Variants in DNASE1L1 observed in about 807,000 individuals in gnomAD.
DNASE1L1 encodes deoxyribonuclease 1 like 1.
Under a neutral mutation model 18.6 loss-of-function variants are expected in DNASE1L1, and 8 were observed. The ratio of observed to expected loss-of-function variants is 0.43; its 90% CI spans 0.25 to 0.78. The LOEUF (loss-of-function observed/expected upper bound fraction) is 0.78, where lower values mean the gene tolerates loss of function less well. DNASE1L1 is among the 30% of genes least tolerant of loss of function. The probability of loss-of-function intolerance (pLI) is 0.23; values close to 1 mark genes in which losing one functional copy is unlikely to be tolerated. For missense variants in DNASE1L1, 214 were observed against 258.2 expected (o/e 0.83, Z 1.17); for synonymous variants, 114 against 114.2 (o/e 1.00, Z 0.01).
rs1557187666 is a variant in DNASE1L1 at position 154,403,616 on chromosome X, G to A, written c.318C>T (p.His106=). 4 of 1,208,914 alleles carry A rather than the reference G, an allele frequency of 3.3e-6. No individual in the cohort carries two copies. Among genetic ancestry groups the A allele is most frequent in the Non-Finnish European group, 1.1e-6 (1 of 893,675 alleles). The change falls in exon 5 of 8, where the codon CAC becomes CAT. Residue 106 remains histidine (H), a synonymous_variant. Coordinates refer to ENST00000369807, the MANE Select transcript of DNASE1L1 (RefSeq NM_001303620.2). The part of the protein sequence containing the change: ...METYVYFYRS[H]KTQVLSSYVY... ...CGTAGGAACTCAGGACCTGTGTTTT[G>A]TGTGACCTGGGAGGACAAAGGGATG...
At chrX:154,410,090 T>C (rs1386817735), upstream of DNASE1L1, 2 of 110,474 alleles carry the variant, frequency 1.8e-5, no homozygotes. Context: ...ATACAAAAAA[T>C]TAGCCCGGCG....
chrX:154,402,885 G>A, intron 7 of DNASE1L1, 44 bp from the exon 8 acceptor site: 2 of 1,205,011 alleles, frequency 1.7e-6, no homozygotes, highest in Non-Finnish European at 2.2e-6. Flanking sequence ...GGGGCCGAGG[G>A]GCTTCCCTGT....
At chrX:154,411,856 G>T (rs397515737), upstream of DNASE1L1, 19 of 1,197,370 alleles carry the variant, frequency 1.6e-5, no homozygotes, top group Non-Finnish European at 1.1e-6. Flanking sequence ...GCCTCTGCAC[G>T]TGAAGTGGCC....
chrX:154,406,840 C>T lies in DNASE1L1; in HGVS notation c.-87-1185G>A, dbSNP rs915300902. Among the ~76,000 whole-genome samples, 10 of 109,866 alleles carry T rather than the reference C, an allele frequency of 9.1e-5. 1 individual carries two copies. Among genetic ancestry groups the T allele is most frequent in the African/African-American group, 2.7e-4 (8 of 30,187 alleles). ...GCATCTCTTGACCTCGTGATCTGCC[C>T]GCCTCGGCCTCTCAAAGTGCTGGGA... On this transcript the variant is annotated intron_variant, in intron 1 of 7. Transcript: ENST00000369807.
intron 7 of DNASE1L1, 25 bp downstream of exon 7, chrX:154,402,917 C>A (rs1173153975): frequency 6.6e-6 from 8 of 1,205,223 alleles, no homozygotes; most frequent in Non-Finnish European, 9.0e-6. Flanking sequence ...TGCCCTCCCT[C>A]CTCATGCCAG....
chrX:154,410,149 G>A (rs2068238900), upstream of DNASE1L1: 1 of 110,892 alleles, frequency 9.0e-6, no homozygotes. Context: ...TGAGGCAGGA[G>A]AATTGCTTGA....
At chrX:154,403,935 C>T (rs2068097645) in intron 4 of DNASE1L1, among the ~76,000 whole-genome samples, 2 of 110,426 alleles carry the variant, frequency 1.8e-5, no homozygotes, top group Admixed American at 9.7e-5. Flanking sequence ...CTCCATTCTC[C>T]CCTCCCCCCA....
In DNASE1L1 at chrX:154,401,487, A is replaced by G. The variant is rs2068033121; in HGVS notation, c.*1220T>C. On this transcript the variant is annotated 3_prime_UTR_variant, in exon 8 of 8. Coordinates refer to ENST00000369807, the MANE Select transcript of DNASE1L1 (RefSeq NM_001303620.2). ...CAAAGGTCTAGGCTAACCTTTGGTC[A>G]TTTGTAACAAGACCTCGGAACAGAC... 8.1e-6 allele frequency: 1 copy of G among 123,793 alleles called. No individual in the cohort carries two copies. The highest frequency in any genetic ancestry group is 1.7e-5 in the Non-Finnish European group (1 of 59,721). 10.2% of individuals were successfully genotyped at this position (123,793 alleles called of 1,213,427 possible).
chrX:154,403,655 C>T (rs1557187680), intron 4 of DNASE1L1, 33 bp from the exon 5 acceptor site: 3 of 1,171,572 alleles, frequency 2.6e-6, no homozygotes, highest in Non-Finnish European at 3.5e-6. Context: ...AGCAGTGGCC[C>T]CACGTCTTTG....
chrX:154,404,147 CTTTT>C (rs35330789), intron 4 of DNASE1L1, among the ~76,000 whole-genome samples: 2 of 65,313 alleles, frequency 3.1e-5, no homozygotes, highest in African/African-American at 6.7e-5. Flanking sequence ...TGATGTCATT[CTTTT>C]TTTTTTTTTT....
Position 154,405,603 on chromosome X carries a change from C to G in DNASE1L1, c.-35G>C, listed in dbSNP as rs781878753. 2.7e-6 allele frequency: 3 copies of G among 1,100,026 alleles called. No homozygotes were observed. The Admixed American group carries it at 8.8e-5, about 32-fold the overall frequency. The allele number at this position is 1,100,026 out of a possible 1,213,427, so 90.7% of individuals were successfully genotyped here. A position where few individuals can be genotyped will look rare whatever the true frequency, so the allele number is the denominator to read the frequency against. ...TGGCTGCCGGGGACACCCCAGGAAT[C>G]CAGGCTGCCCCAGGGTGCGCTCTCA... On this transcript the variant is annotated 5_prime_UTR_variant, in exon 2 of 8. Coordinates refer to ENST00000369807, the MANE Select transcript of DNASE1L1 (RefSeq NM_001303620.2).
At chrX:154,404,623 G>C (rs1283478759) in intron 4 of DNASE1L1, among the ~76,000 whole-genome samples, 2 of 112,720 alleles carry the variant, frequency 1.8e-5, no homozygotes, top group African/African-American at 6.4e-5. Flanking sequence ...GCTTATAGAA[G>C]GAAGGCCTCC....
chrX:154,404,335 G>A (rs1471021260), intron 4 of DNASE1L1, among the ~76,000 whole-genome samples: 7 of 109,885 alleles, frequency 6.4e-5, no homozygotes, highest in African/African-American at 2.3e-4. Flanking sequence ...TAATTTTGGA[G>A]CGCATACCAG....
At chrX:154,404,377 A>T (rs1206114194) in intron 4 of DNASE1L1, among the ~76,000 whole-genome samples, 2 of 110,939 alleles carry the variant, frequency 1.8e-5, no homozygotes, top group Non-Finnish European at 3.8e-5. Context: ...ATAGAGAATC[A>T]GTTCTCCTTC....
rs1482844478 is a variant in DNASE1L1, at chrX:154,401,752, C to T, written c.*955G>A. 2 of 112,046 alleles carry T rather than the reference C, an allele frequency of 1.8e-5. No homozygotes were observed. The highest frequency in any genetic ancestry group is 3.3e-5 in the African/African-American group (1 of 30,613). The allele number at this position is 112,046 out of a possible 1,213,427, so 9.2% of individuals were successfully genotyped here. On this transcript the variant is annotated 3_prime_UTR_variant, in exon 8 of 8. Coordinates refer to ENST00000369807, the MANE Select transcript of DNASE1L1 (RefSeq NM_001303620.2). ...GTTTTTTGTAATCTCAGTTTACAGCCATTTCTTAGGTTTTTAATTACCTTT... is the reference window on the plus strand; with the variant it reads ...GTTTTTTGTAATCTCAGTTTACAGCTATTTCTTAGGTTTTTAATTACCTTT...
chrX:154,403,719 C>T (rs781962439), intron 4 of DNASE1L1, 97 bp from the exon 5 acceptor site: 31 of 685,608 alleles, frequency 4.5e-5, no homozygotes, highest in African/African-American at 2.1e-4. Context: ...CCACTAACAG[C>T]GGCAATGTGG....
chrX:154,405,686 G>T, intron 1 of DNASE1L1, 31 bp from the exon 2 acceptor site: 1 of 778,717 alleles, frequency 1.3e-6, no homozygotes, highest in Non-Finnish European at 1.7e-6. Flanking sequence ...AGTGGCACTA[G>T]CTGCTGCCCA....
At position 154,403,130 on chromosome X, in the gene DNASE1L1, C is replaced by T; in HGVS notation, c.586G>A (p.Asp196Asn). 1 of 1,211,791 alleles carries T rather than the reference C, an allele frequency of 8.3e-7. No homozygotes were observed. The highest frequency in any genetic ancestry group is 3.0e-5 in the East Asian group (1 of 33,856). The change falls in exon 7 of 8, where the codon GAC (aspartate) becomes AAC (asparagine). Residue 196 changes from aspartate (D) to asparagine (N), a missense_variant. Physicochemically the swap from Asp to Asn is conservative, Grantham distance 23. Transcript: ENST00000369807. ...GGCTCAGTCCGCAGCTCCAGCTTGT[C>T]CAGGCGCTTTTTGGTCAGTGAAGCG... ...DCASLTKKRL[D>N]KLELRTEPGF...
upstream of DNASE1L1, chrX:154,411,807 C>T (rs1057523394): frequency 2.6e-6 from 3 of 1,140,374 alleles, no homozygotes; most frequent in Non-Finnish European, 3.5e-6. Flanking sequence ...CAGGCCGGCC[C>T]GGGGCGCTGG....
Sources: allele counts gnomAD v4.1 joint callset (sites outside exome capture counted in the v4.1 genomes callset), GRCh38; gene constraint gnomAD v4.1.1; transcripts MANE v1.5; gene names NCBI Gene and HGNC (gene_info 2026-07-23, HGNC 2026-07-21).